The following ERN1 variants were observed in gnomAD, a reference collection of about 807,000 sequenced individuals.
ERN1 encodes endoplasmic reticulum to nucleus signaling 1.
In ERN1, 39 loss-of-function variants were observed where a neutral mutation model predicts 113.1. The observed-to-expected ratio is 0.34, with a 90% CI of 0.27 to 0.45. The LOEUF (loss-of-function observed/expected upper bound fraction) is 0.45. ERN1 is among the 20% of genes least tolerant of loss of function. The probability of loss-of-function intolerance (pLI) is 1.00; values close to 1 mark genes in which losing one functional copy is unlikely to be tolerated. For missense variants in ERN1, 976 were observed against 1,274.8 expected, an observed-to-expected ratio of 0.77 and a Z score of 3.57; for synonymous variants, 507 against 515.9, an observed-to-expected ratio of 0.98 and a Z score of 0.23.
Position 64,041,913 on chromosome 17 carries a change from G to A in ERN1, c.*2075C>T, listed in dbSNP as rs1463856815. 4 of 152,190 alleles carry A rather than the reference G, an allele frequency of 2.6e-5. No individual in the cohort carries two copies. Among genetic ancestry groups the A allele is most frequent in the Admixed American group, 6.5e-5 (1 of 15,288 alleles). The allele number at this position is 152,190 out of a possible 1,614,324, so 9.4% of individuals were successfully genotyped here. ...TAGTATGATAAGCAGAAAAGGCATC[G>A]GAAACAGTTGTCTCTAGGCAAGTGG... On this transcript the variant is annotated 3_prime_UTR_variant, in exon 22 of 22. Transcript: ENST00000433197.
intron 1 of ERN1, among the ~76,000 whole-genome samples, chr17:64,119,288 G>GA (rs778960103): frequency 2.4e-4 from 36 of 148,012 alleles, no homozygotes; most frequent in Non-Finnish European, 5.0e-4. Flanking sequence ...GTATTCAAAG[G>GA]AAAAAATCCA....
intron 6 of ERN1, 137 bp downstream of exon 6, chr17:64,071,844 T>C: frequency 1.1e-6 from 1 of 900,284 alleles, no homozygotes; most frequent in Non-Finnish European, 1.7e-6. Flanking sequence ...TGAAGGGTCT[T>C]ATAAAGGAAA....
chr17:64,114,271 C>T (rs190410180), intron 1 of ERN1, among the ~76,000 whole-genome samples: 14 of 152,172 alleles, frequency 9.2e-5, no homozygotes, highest in Admixed American at 8.5e-4. Context: ...AATAGGAGAC[C>T]CCAGTAATCA....
chr17:64,111,931 ATCCACTGCTCCTCATCTCTTACC>A (rs1386125042), intron 1 of ERN1, among the ~76,000 whole-genome samples: 1 of 152,242 alleles, frequency 6.6e-6, no homozygotes, highest in Non-Finnish European at 1.5e-5. Flanking sequence ...AAACCTGATA[ATCCACTGCTCCTCATCTCTTACC>A]TCCATTGCTC....
intron 16 of ERN1, 139 bp from the exon 17 acceptor site, chr17:64,053,118 C>A: frequency 1.1e-6 from 1 of 923,650 alleles, no homozygotes; most frequent in South Asian, 1.7e-5. Flanking sequence ...ATGTCGGATT[C>A]CTCCTCAAAT....
intron 1 of ERN1, chr17:64,129,772 G>A (rs1393783006): frequency 4.7e-6 from 2 of 425,392 alleles, no homozygotes; most frequent in Non-Finnish European, 7.9e-6. Flanking sequence ...CCTCGGTGGG[G>A]CCGCGACTCC....
At chr17:64,050,463 A>C (rs1395074873) in intron 17 of ERN1, among the ~76,000 whole-genome samples, 1 of 152,184 alleles carries the variant, frequency 6.6e-6, no homozygotes, top group Non-Finnish European at 1.5e-5. Context: ...AGTGCCACGA[A>C]GTCTGAGGTA....
intron 20 of ERN1, 33 bp downstream of exon 20, chr17:64,045,326 A>T (rs760915846): frequency 6.2e-7 from 1 of 1,613,004 alleles, no homozygotes; most frequent in South Asian, 1.1e-5. Flanking sequence ...CGACTTTTGC[A>T]ACCTGCCCTC....
chr17:64,108,943 G>A (rs1334584082), intron 1 of ERN1, among the ~76,000 whole-genome samples: 1 of 151,928 alleles, frequency 6.6e-6, no homozygotes. Flanking sequence ...GTCAACATGG[G>A]GAAACCCCGT....
intron 5 of ERN1, among the ~76,000 whole-genome samples, chr17:64,074,589 A>G (rs1032456477): frequency 6.6e-6 from 1 of 152,256 alleles, no homozygotes; most frequent in Non-Finnish European, 1.5e-5. Flanking sequence ...AAGCTGCTGT[A>G]TAAATACGGG....
At chr17:64,082,865 G>A (rs1913811315) in intron 2 of ERN1, among the ~76,000 whole-genome samples, 1 of 150,304 alleles carries the variant, frequency 6.7e-6, no homozygotes, top group Non-Finnish European at 1.5e-5. Context: ...TTTTTTCTAG[G>A]CTTAGGAGAA....
rs748505295 is a variant in ERN1 at position 64,047,842 on chromosome 17, G to A, written c.2529+16C>T. The A allele has an allele frequency of 6.3e-7, 1 of 1,592,100 alleles. No individual in the cohort carries two copies. The highest frequency in any genetic ancestry group is 8.6e-7 in the Non-Finnish European group (1 of 1,168,670). ...ATTAAATGAAGACTCTGGATAAAGA[G>A]AACAGACGTCTCTACCTGGAAGAAC... On this transcript the variant is annotated intron_variant, in intron 19 of 21. Transcript: ENST00000433197.
At chr17:64,106,040 T>C (rs145120742) in intron 1 of ERN1, among the ~76,000 whole-genome samples, 68 of 152,136 alleles carry the variant, frequency 4.5e-4, no homozygotes, top group African/African-American at 1.5e-3. Context: ...TAGAATATCA[T>C]ACAATACCAT....
In ERN1 at chr17:64,099,783, C is replaced by T. The variant is rs137855408; in HGVS notation, c.55-1542G>A. On this transcript the variant is annotated intron_variant, in intron 1 of 21. Coordinates refer to ENST00000433197, the MANE Select transcript of ERN1 (RefSeq NM_001433.5). Reference sequence around the variant, plus strand: ...TGGCAGGACAAATACTCTGGGGTCCCGTATTCCTTTTCTGTGGTGGAGACC... The same window carrying T: ...TGGCAGGACAAATACTCTGGGGTCCTGTATTCCTTTTCTGTGGTGGAGACC... Among the ~76,000 whole-genome samples, 546 of 152,146 alleles carry T rather than the reference C, an allele frequency of 3.6e-3. 3 individuals carry two copies. Among genetic ancestry groups the T allele is most frequent in the Admixed American group, 0.01 (154 of 15,292 alleles).
chr17:64,099,788 T>C (rs1914334072), intron 1 of ERN1, among the ~76,000 whole-genome samples: 1 of 152,086 alleles, frequency 6.6e-6, no homozygotes. Context: ...GGTCCCGTAT[T>C]CCTTTTCTGT....
chr17:64,045,664 A>C (rs1912490653), intron 19 of ERN1, among the ~76,000 whole-genome samples, 182 bp from the exon 20 acceptor site: 1 of 152,106 alleles, frequency 6.6e-6, no homozygotes, highest in Non-Finnish European at 1.5e-5. Flanking sequence ...GTTCCTCACG[A>C]AGCACAGGCC....
rs1912776828 is a variant in ERN1, at chr17:64,054,140, A to G, written c.1953+110T>C. 2.0e-6 allele frequency: 2 copies of G among 979,840 alleles called. No homozygotes were observed. The highest frequency in any genetic ancestry group is 5.4e-5 in the East Asian group (2 of 36,966). 60.7% of individuals were successfully genotyped at this position (979,840 alleles called of 1,614,324 possible). ...TTCTTTGTAGAGATGGGGTTTCACC[A>G]TGTTGTCCAGGCTGGTCTCAAACTC... On this transcript the variant is annotated intron_variant, in intron 15 of 21. Coordinates refer to ENST00000433197, the MANE Select transcript of ERN1 (RefSeq NM_001433.5). The surrounding 1 kb of genome is among the most constrained non-coding windows in gnomAD (Gnocchi z 4.9).
chr17:64,085,112 C>G (rs979872075), intron 2 of ERN1, among the ~76,000 whole-genome samples: 1 of 152,176 alleles, frequency 6.6e-6, no homozygotes, highest in Non-Finnish European at 1.5e-5. Context: ...TAAAACAATA[C>G]CTGACACACA....
intron 11 of ERN1, 128 bp downstream of exon 11, chr17:64,060,341 T>C (rs1349523686): frequency 3.5e-5 from 23 of 664,984 alleles, no homozygotes; most frequent in Non-Finnish European, 5.4e-5. Context: ...TTTTTTGCTT[T>C]GGATTCTGGT....
Sources: gnomAD v4.1 joint callset for allele counts (sites outside exome capture counted in the v4.1 genomes callset) on GRCh38, gnomAD v4.1.1 for gene constraint, Gnocchi (gnomAD v3.1) non-coding constraint, MANE v1.5 for transcripts, NCBI Gene and HGNC (gene_info 2026-07-23, HGNC 2026-07-21) for gene names.